GARIN5B: variants seen among roughly 807,000 people sequenced by gnomAD.
GARIN5B encodes golgi associated RAB2 interactor family member 5B, also known as Golgi-associated RAB2 interactor protein 5B.
chr19:55,355,502 A>G, the GARIN5B span, among the ~76,000 whole-genome samples: 38 of 152,200 alleles, frequency 2.5e-4, no homozygotes, highest in Admixed American at 4.6e-4. Context: ...TGCCTGGGGC[A>G]GAGTCTGGCA....
At chr19:55,355,379 G>A in the GARIN5B span, 1 of 1,549,356 alleles carries the variant, frequency 6.5e-7, no homozygotes, top group African/African-American at 1.4e-5. Context: ...GAGAGCTTTG[G>A]GGGACAGGGT....
the GARIN5B span, among the ~76,000 whole-genome samples, chr19:55,356,064 G>C: frequency 2.0e-5 from 3 of 151,960 alleles, no homozygotes; most frequent in East Asian, 1.9e-4. Context: ...GATAAAGGCT[G>C]CCATGAGCCA....
the GARIN5B span, chr19:55,355,298 G>C: frequency 1.0e-5 from 16 of 1,549,544 alleles, no homozygotes; most frequent in Non-Finnish European, 1.4e-5. Context: ...TTCCAACTGA[G>C]GTTAAGCCCC....
At chr19:55,358,230 G>C in the GARIN5B span, 4 of 1,550,612 alleles carry the variant, frequency 2.6e-6, no homozygotes, top group East Asian at 9.8e-5. Flanking sequence ...AGTTCTAAGA[G>C]CATGGGCAAA....
chr19:55,361,248 G>C, the GARIN5B span: 9 of 1,550,840 alleles, frequency 5.8e-6, no homozygotes, highest in East Asian at 2.0e-4. Flanking sequence ...ACTGGGAAGA[G>C]AGGAGACATC....
the GARIN5B span, chr19:55,358,937 T>G: frequency 6.4e-7 from 1 of 1,551,174 alleles, no homozygotes; most frequent in East Asian, 2.4e-5. Context: ...GTGGGCCCAG[T>G]CCTCCAACTT....
At chr19:55,361,148 G>GAA in the GARIN5B span, 1 of 1,551,268 alleles carries the variant, frequency 6.4e-7, no homozygotes, top group East Asian at 2.4e-5. Flanking sequence ...GCAGCCCCTT[G>GAA]GGCCCACACC....
chr19:55,356,690 G>A, the GARIN5B span, among the ~76,000 whole-genome samples: 11 of 152,024 alleles, frequency 7.2e-5, no homozygotes, highest in African/African-American at 9.7e-5. Context: ...AGTGGCATTC[G>A]GCACATTCAC....
At chr19:55,359,385 C>A in the GARIN5B span, 8 of 1,549,182 alleles carry the variant, frequency 5.2e-6, no homozygotes, top group Middle Eastern at 1.9e-4. Flanking sequence ...GGGGCAGGTA[C>A]GGCTGAGGCC....
At chr19:55,355,241 C>G in the GARIN5B span, 2 of 1,277,530 alleles carry the variant, frequency 1.6e-6, no homozygotes, top group Non-Finnish European at 2.1e-6. Context: ...AGGCAGATCT[C>G]CAGGGTCTTA....
the GARIN5B span, chr19:55,361,360 C>T: frequency 1.6e-5 from 24 of 1,539,654 alleles, no homozygotes; most frequent in Non-Finnish European, 2.0e-5. Context: ...AGCTCTGTCC[C>T]TGCGACGGGG....
the GARIN5B span, chr19:55,358,787 T>C: frequency 6.5e-7 from 1 of 1,549,168 alleles, no homozygotes; most frequent in Non-Finnish European, 8.7e-7. Flanking sequence ...GGTGAGCGCT[T>C]CCACAGAGAA....
At chr19:55,361,179 C>A in the GARIN5B span, 1 of 1,551,364 alleles carries the variant, frequency 6.4e-7, no homozygotes, top group Non-Finnish European at 8.7e-7. Flanking sequence ...CTCACCTTGG[C>A]CTTCCTCTGT....
At chr19:55,357,224 A>G in the GARIN5B span, among the ~76,000 whole-genome samples, 2 of 152,058 alleles carry the variant, frequency 1.3e-5, no homozygotes, top group South Asian at 2.1e-4. Flanking sequence ...TCTGTCCTCC[A>G]GGTGCCCACT....
the GARIN5B span, chr19:55,362,939 A>T: frequency 1.3e-6 from 2 of 1,505,504 alleles, no homozygotes; most frequent in African/African-American, 1.4e-5. Flanking sequence ...ACTCTCGAAC[A>T]TGGGCAGCGG....
chr19:55,363,013 C>A, the GARIN5B span: 1 of 1,490,736 alleles, frequency 6.7e-7, no homozygotes, highest in Non-Finnish European at 8.9e-7. The surrounding 1 kb of genome is among the most constrained non-coding windows in gnomAD (Gnocchi z 4.0). Context: ...CAGGGACCCA[C>A]TTCGGGGTGC....
At chr19:55,362,700 A>G in the GARIN5B span, 2 of 1,540,674 alleles carry the variant, frequency 1.3e-6, no homozygotes, top group South Asian at 2.4e-5. Context: ...TGGTTCTGTG[A>G]TTCACGAACA....
At chr19:55,358,076 A>T in the GARIN5B span, 2 of 1,322,182 alleles carry the variant, frequency 1.5e-6, no homozygotes, top group Non-Finnish European at 2.0e-6. Flanking sequence ...AAGTGAAAGG[A>T]AAGAGTGATC....
the GARIN5B span, chr19:55,359,544 C>T: frequency 6.4e-7 from 1 of 1,551,256 alleles, no homozygotes. Context: ...GCAGCTGGGG[C>T]CTTCTGGGGA....
Sources: allele counts gnomAD v4.1 joint callset (sites outside exome capture counted in the v4.1 genomes callset), GRCh38; gene constraint gnomAD v4.1.1; non-coding constraint Gnocchi (gnomAD v3.1); transcripts MANE v1.5; gene names NCBI Gene and HGNC (gene_info 2026-07-23, HGNC 2026-07-21).